Variants in CLASP1 observed in about 807,000 individuals in gnomAD.
CLASP1 encodes the protein CLIP-associating protein 1.
Under a neutral mutation model 192.3 loss-of-function variants are expected in CLASP1, and 38 were observed. That is an observed-to-expected ratio of 0.20 (90% CI 0.15 to 0.26). The LOEUF is 0.26. Among genes scored for constraint, CLASP1 ranks in the 10% least tolerant of loss-of-function variants. The probability of loss-of-function intolerance (pLI) is 1.00; values close to 1 mark genes in which losing one functional copy is unlikely to be tolerated. For synonymous variants in CLASP1, 691 were observed against 712.8 expected, an observed-to-expected ratio of 0.97 and a Z score of 0.49; for missense variants, 1,433 against 1,932.5, an observed-to-expected ratio of 0.74 and a Z score of 4.85.
At chr2:121,598,857 T>TTTTA (rs759167243) in intron 2 of CLASP1, among the ~76,000 whole-genome samples, 14 of 152,098 alleles carry the variant, frequency 9.2e-5, no homozygotes, top group East Asian at 5.8e-4. Context: ...ACGTTTTTAT[T>TTTTA]TTTATTTATT....
rs80190838 is a variant in CLASP1 at position 121,387,074 on chromosome 2, G to C, written c.3374+48C>G. The C allele has an allele frequency of 1.2e-5, 17 of 1,438,036 alleles. 1 individual carries two copies. In the South Asian group the frequency reaches 2.0e-4, roughly 17 times the overall value. 89.1% of individuals were successfully genotyped at this position (1,438,036 alleles called of 1,614,324 possible). On this transcript the variant is annotated intron_variant, in intron 32 of 39. Transcript: ENST00000263710. Reference sequence around the variant, plus strand: ...TAGAAATAGGATGCACAGCAATTAAGGTGCTTTAGTTTCTTTACATCTGTG... The same window carrying C: ...TAGAAATAGGATGCACAGCAATTAACGTGCTTTAGTTTCTTTACATCTGTG...
chr2:121,617,247 GACA>G (rs10611895), intron 1 of CLASP1, among the ~76,000 whole-genome samples: 26,826 of 151,950 alleles, frequency 0.18, 4,048 homozygotes, highest in African/African-American at 0.41. Flanking sequence ...CCACACAGAT[GACA>G]ACAACTCCTC....
Position 121,347,167 on chromosome 2 carries a change from A to C in CLASP1, c.4414-13T>G. 2 of 1,528,464 alleles carry C rather than the reference A, an allele frequency of 1.3e-6. No individual in the cohort carries two copies. The highest frequency in any genetic ancestry group is 1.8e-6 in the Non-Finnish European group (2 of 1,122,672). The allele number at this position is 1,528,464 out of a possible 1,614,324, so 94.7% of individuals were successfully genotyped here. ...TGTTGTCATAACCCTAGAGAGCCAG[A>C]AGGGAACACGAAAAGGAAACCAGAT... On this transcript the variant is annotated splice_polypyrimidine_tract_variant and intron_variant, in intron 38 of 39. Coordinates refer to ENST00000263710, the Ensembl canonical transcript of CLASP1.
chr2:121,571,227 G>A (rs2059944643), intron 2 of CLASP1, among the ~76,000 whole-genome samples: 1 of 151,984 alleles, frequency 6.6e-6, no homozygotes, highest in Non-Finnish European at 1.5e-5. Context: ...CCAGGCTGGA[G>A]TACAGTAGTG....
intron 39 of CLASP1, among the ~76,000 whole-genome samples, chr2:121,345,283 G>C (rs1316918604): frequency 6.6e-6 from 1 of 152,192 alleles, no homozygotes; most frequent in Non-Finnish European, 1.5e-5. Flanking sequence ...TCCCGGTCAG[G>C]AATGTGGGTT....
At chr2:121,524,371 CAATT>C (rs1048894415) in intron 6 of CLASP1, among the ~76,000 whole-genome samples, 14 of 151,638 alleles carry the variant, frequency 9.2e-5, no homozygotes, top group African/African-American at 3.1e-4. Context: ...AAAAATAGTA[CAATT>C]TATTTTTAAA....
chr2:121,457,721 T>C (rs749433383), exon 14 of CLASP1: 2 of 1,613,258 alleles, frequency 1.2e-6, no homozygotes, highest in East Asian at 4.5e-5. Flanking sequence ...GTACAGTTGC[T>C]TGTTATGACA....
Position 121,352,431 on chromosome 2 carries a change from A to G in CLASP1, c.4207-3713T>C, listed in dbSNP as rs528920223. Among the ~76,000 whole-genome samples the G allele has an allele frequency of 5.8e-4, 88 of 152,348 alleles. 2 individuals carry two copies. The highest frequency in any genetic ancestry group is 5.3e-3 in the Admixed American group (81 of 15,306). ...GCCAATTCAAACTCCTGCCAAAGGT[A>G]GCTCTTTCCACACAGGTCACCTGAA... On this transcript the variant is annotated intron_variant, in intron 37 of 39. Transcript: ENST00000263710.
chr2:121,422,108 G>GATTGGTTT (rs1332504525), intron 22 of CLASP1, among the ~76,000 whole-genome samples: 1 of 152,154 alleles, frequency 6.6e-6, no homozygotes, highest in Non-Finnish European at 1.5e-5. Context: ...ATACCCATTT[G>GATTGGTTT]ATTGGTTTAC....
intron 33 of CLASP1, among the ~76,000 whole-genome samples, chr2:121,378,452 A>G (rs754248370): frequency 7.2e-5 from 11 of 152,234 alleles, no homozygotes; most frequent in Non-Finnish European, 1.5e-4. Flanking sequence ...GAAGCAAAAA[A>G]GCCAAACAAT....
chr2:121,455,581 T>A (rs955761351), intron 14 of CLASP1, among the ~76,000 whole-genome samples: 2 of 152,166 alleles, frequency 1.3e-5, no homozygotes, highest in Admixed American at 1.3e-4. Context: ...ATGATCTCAC[T>A]TAAGTGTGGA....
chr2:121,631,947 T>C (rs546312980), intron 1 of CLASP1, among the ~76,000 whole-genome samples: 1 of 151,968 alleles, frequency 6.6e-6, no homozygotes, highest in Non-Finnish European at 1.5e-5. Flanking sequence ...CTCGGGAGGC[T>C]GAGGTGGGAG....
At position 121,597,056 on chromosome 2, in the gene CLASP1, C is replaced by T. The variant is rs112250199; in HGVS notation, c.195+8645G>A. ...GACAGCTTAGACACTGGGCCGGGAC[C>T]GTACCCAGTTTTTCCCTACTGTGTA... On this transcript the variant is annotated intron_variant, in intron 2 of 39. Coordinates refer to ENST00000263710, the Ensembl canonical transcript of CLASP1. 6.3e-3 allele frequency among the ~76,000 whole-genome samples: 965 copies of T among 152,264 alleles called. 12 individuals are homozygous for T. The highest frequency in any genetic ancestry group is 0.022 in the African/African-American group (920 of 41,556).
Position 121,481,095 on chromosome 2 carries a change from G to A in CLASP1, c.713-11135C>T, listed in dbSNP as rs187514898. Among the ~76,000 whole-genome samples, 18 of 152,276 alleles carry A rather than the reference G, an allele frequency of 1.2e-4. No individual in the cohort carries two copies. In the East Asian group the frequency reaches 3.1e-3, roughly 26 times the overall value. ...ATTGCTGGCAACCCAAAGCATCTCTGTACTATATCAAAGGGATGTAATGCA... is the reference window on the plus strand; with the variant it reads ...ATTGCTGGCAACCCAAAGCATCTCTATACTATATCAAAGGGATGTAATGCA... On this transcript the variant is annotated intron_variant, in intron 8 of 39. Coordinates refer to ENST00000263710, the Ensembl canonical transcript of CLASP1.
chr2:121,401,070 G>C (rs908363592), intron 28 of CLASP1, among the ~76,000 whole-genome samples: 18 of 152,270 alleles, frequency 1.2e-4, no homozygotes, highest in African/African-American at 4.1e-4. Flanking sequence ...TTAATCTCTA[G>C]CCAGTGTACT....
In CLASP1 at chr2:121,531,034, C is replaced by T. The variant is rs762919560; in HGVS notation, c.196-709G>A. Reference sequence around the variant, plus strand: ...TGAAAACCTGTTTTCATAGACTTATCAGTTCAAACAGCAGTAATTCGTAAA... The same window carrying T: ...TGAAAACCTGTTTTCATAGACTTATTAGTTCAAACAGCAGTAATTCGTAAA... On this transcript the variant is annotated intron_variant, in intron 2 of 39. Transcript: ENST00000263710. 47 of 699,160 alleles carry T rather than the reference C, an allele frequency of 6.7e-5. 1 individual carries two copies. Among genetic ancestry groups the T allele is most frequent in the East Asian group, 8.0e-5 (3 of 37,282 alleles). 43.3% of individuals were successfully genotyped at this position (699,160 alleles called of 1,614,324 possible). A position where few individuals can be genotyped will look rare whatever the true frequency, so the allele number is the denominator to read the frequency against.
chr2:121,503,142 A>C, intron 8 of CLASP1, 25 bp downstream of exon 8: 1 of 1,476,220 alleles, frequency 6.8e-7, no homozygotes, highest in East Asian at 2.5e-5. Flanking sequence ...AAAAAGCAAA[A>C]GTAGGGATTG....
At chr2:121,531,186 T>G (rs913955964) in intron 2 of CLASP1, among the ~76,000 whole-genome samples, 1 of 152,130 alleles carries the variant, frequency 6.6e-6, no homozygotes, top group Non-Finnish European at 1.5e-5. Context: ...CTTCACCCCT[T>G]TAACTTTACG....
intron 19 of CLASP1, among the ~76,000 whole-genome samples, chr2:121,441,918 A>G (rs1175867987): frequency 6.6e-6 from 1 of 152,168 alleles, no homozygotes; most frequent in Admixed American, 6.5e-5. Context: ...TTGTACTAAA[A>G]TCTAAGTTCT....
Sources: allele counts gnomAD v4.1 joint callset (sites outside exome capture counted in the v4.1 genomes callset), GRCh38; gene constraint gnomAD v4.1.1; transcripts MANE v1.5; gene names NCBI Gene and HGNC (gene_info 2026-07-23, HGNC 2026-07-21).